Variants in S1PR2 observed in about 807,000 individuals in gnomAD.
S1PR2 encodes the protein sphingosine-1-phosphate receptor 2, also known as sphingosine 1-phosphate receptor 2.
A neutral mutation model predicts 16.1 loss-of-function variants in S1PR2; 9 were observed. The ratio of observed to expected loss-of-function variants is 0.56; its 90% CI spans 0.34 to 0.98. The LOEUF (loss-of-function observed/expected upper bound fraction) is 0.98, where lower values mean the gene tolerates loss of function less well. Among genes scored for constraint, S1PR2 ranks in the 50% least tolerant of loss-of-function variants. The pLI, the probability that S1PR2 is intolerant of heterozygous loss-of-function variation, is 0.02. For missense variants in S1PR2, 361 were observed against 488.4 expected, an observed-to-expected ratio of 0.74 and a Z score of 2.46; for synonymous variants, 224 against 233.9, an observed-to-expected ratio of 0.96 and a Z score of 0.38.
intron 1 of S1PR2, among the ~76,000 whole-genome samples, chr19:10,225,290 A>G (rs2039626021): frequency 6.6e-6 from 1 of 151,692 alleles, no homozygotes; most frequent in African/African-American, 2.4e-5. Context: ...TGGCGCAATC[A>G]TAGCTCCCTG....
rs893617765 is a variant in S1PR2, at chr19:10,224,254, A to T, written c.652T>A (p.Ser218Thr). 1 of 1,613,940 alleles carries T rather than the reference A, an allele frequency of 6.2e-7. No homozygotes were observed. Among genetic ancestry groups the T allele is most frequent in the African/African-American group, 1.3e-5 (1 of 75,080 alleles). ...GGGGCGGCCATGTCAGCGTGGCTTG[A>T]GCGGACCACGCAGTAGATGCGCACG... ...LYVRIYCVVR[S>T]SHADMAAPQT... is the part of the protein sequence containing the mutation. Residue 218 changes from serine (S) to threonine (T), a missense_variant, in exon 2 of 2, where the codon TCA (serine) becomes ACA (threonine). Transcript: ENST00000646641.
chr19:10,224,298 A>G lies in S1PR2; in HGVS notation c.608T>C (p.Leu203Ser), dbSNP rs1490742711. 6.2e-7 allele frequency: 1 copy of G among 1,614,130 alleles called. No individual in the cohort carries two copies. Among genetic ancestry groups the G allele is most frequent in the Admixed American group, 1.7e-5 (1 of 60,032 alleles). ...GCGCACGTACAGGGCCACGATGGCC[A>G]ACAGGATGATGGAGAAGATGGTCAC... ...CVVTIFSIIL[L>S]AIVALYVRIY... Residue 203 changes from leucine to serine, a missense_variant, in exon 2 of 2, where the codon TTG becomes TCG. Physicochemically the swap from Leu to Ser is moderately radical, Grantham distance 145. Coordinates refer to ENST00000646641, the MANE Select transcript of S1PR2 (RefSeq NM_004230.4).
At position 10,223,581 on chromosome 19, in the gene S1PR2, T is replaced by C; in HGVS notation, c.*263A>G. On this transcript the variant is annotated 3_prime_UTR_variant, in exon 2 of 2. Transcript: ENST00000646641. ...TGCCCTCACCCTGGCTCTTCACAGG[T>C]CCCCTGCCCTGGCCTCCCCAGGATC... The C allele has an allele frequency of 2.3e-6, 1 of 443,778 alleles. No homozygotes were observed. Among genetic ancestry groups the C allele is most frequent in the Non-Finnish European group, 4.0e-6 (1 of 252,752 alleles). 27.5% of individuals were successfully genotyped at this position (443,778 alleles called of 1,614,324 possible).
chr19:10,231,024 G>A (rs1028548275), intron 1 of S1PR2, among the ~76,000 whole-genome samples, 180 bp downstream of exon 1: 1 of 152,258 alleles, frequency 6.6e-6, no homozygotes, highest in African/African-American at 2.4e-5. Flanking sequence ...TCGCGGCCGA[G>A]GCAGTGGGGG....
Position 10,231,319 on chromosome 19 carries a change from T to C in S1PR2, c.-158A>G, listed in dbSNP as rs1173495790. ...GCCGGGCTCGGCTAAGTCCCGGGGC[T>C]GGGACGAGGGACAGAGGGGGGGGCG... On this transcript the variant is annotated 5_prime_UTR_variant, in exon 1 of 2. Transcript: ENST00000646641. 6 of 152,100 alleles carry C rather than the reference T, an allele frequency of 3.9e-5. No individual in the cohort carries two copies. The highest frequency in any genetic ancestry group is 6.5e-5 in the Admixed American group (1 of 15,274). The allele number at this position is 152,100 out of a possible 1,614,324, so 9.4% of individuals were successfully genotyped here.
At position 10,224,296 on chromosome 19, in the gene S1PR2, C is replaced by A; in HGVS notation, c.610G>T (p.Ala204Ser). The A allele has an allele frequency of 6.2e-7, 1 of 1,614,092 alleles. No homozygotes were observed. Among genetic ancestry groups the A allele is most frequent in the Middle Eastern group, 1.7e-4 (1 of 6,060 alleles). Residue 204 changes from alanine to serine, a missense_variant, in exon 2 of 2, where the codon GCC becomes TCC. Coordinates refer to ENST00000646641, the MANE Select transcript of S1PR2 (RefSeq NM_004230.4). ...VVTIFSIILLAIVALYVRIYC... is the reference protein window; with the variant it reads ...VVTIFSIILLSIVALYVRIYC... ...ATGCGCACGTACAGGGCCACGATGG[C>A]CAACAGGATGATGGAGAAGATGGTC...
intron 1 of S1PR2, among the ~76,000 whole-genome samples, chr19:10,227,422 GT>G (rs776979639): frequency 6.6e-6 from 1 of 152,196 alleles, no homozygotes; most frequent in Non-Finnish European, 1.5e-5. Flanking sequence ...ATCCGTCCTA[GT>G]TTGGGAACAG....
rs779243053 is a variant in S1PR2 at position 10,223,853 on chromosome 19, C to T, written c.1053G>A (p.Thr351=). The T allele has an allele frequency of 2.6e-6, 4 of 1,535,292 alleles. No homozygotes were observed. The highest frequency in any genetic ancestry group is 2.5e-5 in the South Asian group (2 of 78,814). ...PTSPTFLEGN[T]VV ...TGGTCCACCCCCACCCTCAGACCAC[C>T]GTGTTGCCCTCCAGAAACGTGGGTG... The change falls in exon 2 of 2, where the codon ACG becomes ACA. Residue 351 remains threonine, a synonymous_variant. Coordinates refer to ENST00000646641, the MANE Select transcript of S1PR2 (RefSeq NM_004230.4).
rs1345523934 is a variant in S1PR2 at position 10,222,193 on chromosome 19, G to A, written c.*1651C>T. On this transcript the variant is annotated 3_prime_UTR_variant, in exon 2 of 2. Transcript: ENST00000646641. Reference sequence around the variant, plus strand: ...TCGCTTGAACCCGGGAGGTGGAGGTGGCAGTGAACGGAGATTGAACCACTG... The same window carrying A: ...TCGCTTGAACCCGGGAGGTGGAGGTAGCAGTGAACGGAGATTGAACCACTG... 1 of 152,088 alleles carries A rather than the reference G, an allele frequency of 6.6e-6. No individual in the cohort carries two copies. Among genetic ancestry groups the A allele is most frequent in the Non-Finnish European group, 1.5e-5 (1 of 68,030 alleles). The allele number at this position is 152,088 out of a possible 1,614,324, so 9.4% of individuals were successfully genotyped here.
chr19:10,224,482 T>C lies in S1PR2; in HGVS notation c.424A>G (p.Ser142Gly), dbSNP rs2145441223. Residue 142 changes from serine (S) to glycine (G), a missense_variant, in exon 2 of 2, where the codon AGC becomes GGC. Physicochemically the swap from Ser to Gly is moderately conservative, Grantham distance 56. Coordinates refer to ENST00000646641, the MANE Select transcript of S1PR2 (RefSeq NM_004230.4). ...VAIAKVKLYG[S>G]DKSCRMLLLI... ...AGAAGCATGCGGCAGCTCTTGTCGC[T>C]GCCATACAGCTTGACCTTGGCAATG... 6.2e-7 allele frequency: 1 copy of C among 1,613,872 alleles called. No individual in the cohort carries two copies. The highest frequency in any genetic ancestry group is 8.5e-7 in the Non-Finnish European group (1 of 1,180,036).
At position 10,223,781 on chromosome 19, in the gene S1PR2, G is replaced by A. The variant is rs578178978; in HGVS notation, c.*63C>T. The A allele has an allele frequency of 7.0e-7, 1 of 1,431,412 alleles. No individual in the cohort carries two copies. The highest frequency in any genetic ancestry group is 2.3e-5 in the East Asian group (1 of 43,352). 88.7% of individuals were successfully genotyped at this position (1,431,412 alleles called of 1,614,324 possible). ...CAGTAGCCCCAAGTCTCTATCTGGG[G>A]TCACCCAGTGGCCTCTCCATGAACC... is the stretch of plus-strand genomic sequence containing the variant. On this transcript the variant is annotated 3_prime_UTR_variant, in exon 2 of 2. Transcript: ENST00000646641.
Position 10,224,857 on chromosome 19 carries a change from G to T in S1PR2, c.49C>A (p.His17Asn), listed in dbSNP as rs1239404585. 1 of 1,613,764 alleles carries T rather than the reference G, an allele frequency of 6.2e-7. No homozygotes were observed. Among genetic ancestry groups the T allele is most frequent in the Non-Finnish European group, 8.5e-7 (1 of 1,180,028 alleles). ...AGCGTCTCCTTGGTATAATTATAGT[G>T]TTCCTGGACCTTGTTGGGGTTCAGG... Reference protein sequence around the residue: ...EYLNPNKVQEHYNYTKETLET... With the variant: ...EYLNPNKVQENYNYTKETLET... The change falls in exon 2 of 2, where the codon CAC (histidine) becomes AAC (asparagine). Residue 17 changes from histidine (H) to asparagine (N), a missense_variant. By Grantham distance (68) the His-to-Asn change is moderately conservative. Coordinates refer to ENST00000646641, the MANE Select transcript of S1PR2 (RefSeq NM_004230.4).
chr19:10,230,830 C>T (rs1599239073), intron 1 of S1PR2, among the ~76,000 whole-genome samples: 6 of 152,344 alleles, frequency 3.9e-5, no homozygotes, highest in South Asian at 4.1e-4. Flanking sequence ...CATCCTTTTG[C>T]CCTCGCTCAG....
chr19:10,226,385 T>C (rs1188492381), intron 1 of S1PR2, among the ~76,000 whole-genome samples: 1 of 152,230 alleles, frequency 6.6e-6, no homozygotes, highest in Non-Finnish European at 1.5e-5. Context: ...GGCAAGTCCC[T>C]AGACGCTGTC....
At chr19:10,226,890 G>A (rs927867959) in intron 1 of S1PR2, among the ~76,000 whole-genome samples, 2 of 151,796 alleles carry the variant, frequency 1.3e-5, no homozygotes, top group Non-Finnish European at 2.9e-5. Context: ...CCGGGAGGGG[G>A]TAAGGCATTT....
chr19:10,228,530 C>T (rs1344682921), intron 1 of S1PR2, among the ~76,000 whole-genome samples: 1 of 152,160 alleles, frequency 6.6e-6, no homozygotes, highest in African/African-American at 2.4e-5. Context: ...TCATCTTAAC[C>T]ACTAGGACTT....
At chr19:10,229,080 C>A (rs895548339) in intron 1 of S1PR2, among the ~76,000 whole-genome samples, 4 of 152,004 alleles carry the variant, frequency 2.6e-5, no homozygotes, top group African/African-American at 9.7e-5. Context: ...AGCTTTTAAA[C>A]TTGTAACTCC....
rs1198453139 is a variant in S1PR2, at chr19:10,221,639, G to A, written c.*2205C>T. 1 of 152,296 alleles carries A rather than the reference G, an allele frequency of 6.6e-6. No homozygotes were observed. The highest frequency in any genetic ancestry group is 1.5e-5 in the Non-Finnish European group (1 of 68,032). 9.4% of individuals were successfully genotyped at this position (152,296 alleles called of 1,614,324 possible). A position where few individuals can be genotyped will look rare whatever the true frequency, so the allele number is the denominator to read the frequency against. Reference sequence around the variant, plus strand: ...GAGCTGCACCCCAGCTCTCCAGTGGGAGGATGGGCCAGCAATTCCAAAGGG... The same window carrying A: ...GAGCTGCACCCCAGCTCTCCAGTGGAAGGATGGGCCAGCAATTCCAAAGGG... On this transcript the variant is annotated 3_prime_UTR_variant, in exon 2 of 2. Transcript: ENST00000646641.
In S1PR2 at chr19:10,224,692, G is replaced by C; in HGVS notation, c.214C>G (p.Leu72Val). Reference sequence around the variant, plus strand: ...AGATCGGAGGCGGCCAGGTTGCCCAGAAACAGGTACATTGCCGAGTGGAAC... The same window carrying C: ...AGATCGGAGGCGGCCAGGTTGCCCACAAACAGGTACATTGCCGAGTGGAAC... ...SKFHSAMYLFLGNLAASDLLA... is the reference protein window; with the variant it reads ...SKFHSAMYLFVGNLAASDLLA... Residue 72 changes from leucine to valine, a missense_variant, in exon 2 of 2, where the codon CTG becomes GTG. Leu to Val is a conservative substitution (Grantham distance 32). Coordinates refer to ENST00000646641, the MANE Select transcript of S1PR2 (RefSeq NM_004230.4). 6.2e-7 allele frequency: 1 copy of C among 1,614,202 alleles called. No homozygotes were observed. The highest frequency in any genetic ancestry group is 8.5e-7 in the Non-Finnish European group (1 of 1,180,048).
Sources: gnomAD v4.1 joint callset for allele counts (sites outside exome capture counted in the v4.1 genomes callset) on GRCh38, gnomAD v4.1.1 for gene constraint, MANE v1.5 for transcripts, NCBI Gene and HGNC (gene_info 2026-07-23, HGNC 2026-07-21) for gene names.